The following SASH1 variants were observed in gnomAD, a reference collection of about 807,000 sequenced individuals.
The protein encoded by SASH1 is SAM and SH3 domain-containing protein 1.
A neutral mutation model predicts 125.2 loss-of-function variants in SASH1; 44 were observed. The observed-to-expected ratio is 0.35, with a 90% CI of 0.28 to 0.45. The LOEUF (loss-of-function observed/expected upper bound fraction) is 0.45. Ranked by LOEUF, SASH1 falls within the 20% of genes least tolerant of loss-of-function variation. The probability of loss-of-function intolerance (pLI) is 1.00; values close to 1 mark genes in which losing one functional copy is unlikely to be tolerated. For synonymous variants in SASH1, 639 were observed against 649.1 expected (o/e 0.98, Z 0.24); for missense variants, 1,426 against 1,614.5 (o/e 0.88, Z 2.00).
At chr6:148,212,093 G>A in the SASH1 span, among the ~76,000 whole-genome samples, 33 of 152,160 alleles carry the variant, frequency 2.2e-4, no homozygotes, top group South Asian at 1.0e-3. Context: ...ATAGCTCCCC[G>A]AGGGTACACT....
chr6:148,455,347 C>A (rs1777282650), intron 4 of SASH1, among the ~76,000 whole-genome samples: 2 of 152,296 alleles, frequency 1.3e-5, no homozygotes, highest in Middle Eastern at 3.4e-3. Flanking sequence ...GGCTTCTACT[C>A]TGCATCGTAA....
intron 2 of SASH1, among the ~76,000 whole-genome samples, chr6:148,405,442 C>T (rs1021847507): frequency 6.6e-6 from 1 of 152,138 alleles, no homozygotes; most frequent in Non-Finnish European, 1.5e-5. Flanking sequence ...GTTCCCACTG[C>T]ATTCTACTCC....
intron 4 of SASH1, among the ~76,000 whole-genome samples, chr6:148,443,485 A>G (rs1472369829): frequency 7.7e-6 from 1 of 129,458 alleles, no homozygotes; most frequent in Non-Finnish European, 1.6e-5. Context: ...ATATTTTTAT[A>G]TATATTTTAT....
chr6:148,228,180 T>C, the SASH1 span, among the ~76,000 whole-genome samples: 1 of 152,258 alleles, frequency 6.6e-6, no homozygotes, highest in Non-Finnish European at 1.5e-5. Context: ...AGCAGGGTTT[T>C]TGATATGGAC....
chr6:148,290,442 T>G (rs1040206183), intron 1 of SASH1, among the ~76,000 whole-genome samples: 2 of 151,280 alleles, frequency 1.3e-5, no homozygotes, highest in Admixed American at 1.3e-4. Flanking sequence ...CCGTCTCTAT[T>G]AAAAATACAA....
chr6:148,447,075 C>T (rs1776828947), intron 4 of SASH1, among the ~76,000 whole-genome samples: 1 of 152,330 alleles, frequency 6.6e-6, no homozygotes, highest in Non-Finnish European at 1.5e-5. Flanking sequence ...TAAGCTAGGT[C>T]CCAGTTATTT....
chr6:148,340,782 A>C (rs1352057688), upstream of SASH1, among the ~76,000 whole-genome samples: 1 of 152,156 alleles, frequency 6.6e-6, no homozygotes, highest in African/African-American at 2.4e-5. Context: ...CTACTTCAAC[A>C]CAATGCCTCA....
At chr6:148,300,794 A>T (rs7763618) in intron 1 of SASH1, among the ~76,000 whole-genome samples, 1 of 152,052 alleles carries the variant, frequency 6.6e-6, no homozygotes. Flanking sequence ...GAATTAAGAT[A>T]CTTTGTTCCT....
intron 1 of SASH1, among the ~76,000 whole-genome samples, chr6:148,277,102 C>T (rs1431485084): frequency 2.0e-5 from 3 of 152,100 alleles, no homozygotes; most frequent in Non-Finnish European, 2.9e-5. Flanking sequence ...CACGAATAGT[C>T]CCATAACTAG....
chr6:148,246,311 G>A, the SASH1 span, among the ~76,000 whole-genome samples: 2 of 152,174 alleles, frequency 1.3e-5, no homozygotes, highest in African/African-American at 4.8e-5. Flanking sequence ...TAAACAGAAT[G>A]TTTCCTTTAG....
At chr6:148,234,339 T>C in the SASH1 span, among the ~76,000 whole-genome samples, 19 of 151,958 alleles carry the variant, frequency 1.3e-4, no homozygotes, top group African/African-American at 4.1e-4. Flanking sequence ...TTTTTTTTTT[T>C]AGTTGATTCA....
At chr6:148,405,064 A>G (rs1372374056) in intron 2 of SASH1, among the ~76,000 whole-genome samples, 1 of 151,994 alleles carries the variant, frequency 6.6e-6, no homozygotes, top group Non-Finnish European at 1.5e-5. Flanking sequence ...GAAAGCTTGC[A>G]GAACTTACTG....
intron 4 of SASH1, among the ~76,000 whole-genome samples, chr6:148,460,354 C>T (rs754063889): frequency 6.6e-6 from 1 of 151,700 alleles, no homozygotes; most frequent in Non-Finnish European, 1.5e-5. Flanking sequence ...TTCTACAACT[C>T]ACAGTTGGAG....
intron 1 of SASH1, among the ~76,000 whole-genome samples, chr6:148,365,269 G>A (rs558073100): frequency 6.6e-6 from 1 of 152,048 alleles, no homozygotes; most frequent in Non-Finnish European, 1.5e-5. Context: ...TAAATCGTAT[G>A]GTCTGTTGAC....
the SASH1 span, among the ~76,000 whole-genome samples, chr6:148,234,090 T>C: frequency 6.6e-6 from 1 of 151,482 alleles, no homozygotes; most frequent in Admixed American, 6.6e-5. Flanking sequence ...CAGGCTGGAG[T>C]GCAGTGGTGC....
the SASH1 span, among the ~76,000 whole-genome samples, chr6:148,205,852 T>C: frequency 6.6e-6 from 1 of 152,208 alleles, no homozygotes; most frequent in Non-Finnish European, 1.5e-5. Context: ...CTGATTGTAC[T>C]GATGCCCTCC....
At chr6:148,289,802 C>T (rs140190036) in intron 1 of SASH1, among the ~76,000 whole-genome samples, 38 of 151,262 alleles carry the variant, frequency 2.5e-4, no homozygotes, top group East Asian at 2.1e-3. Context: ...GTTGTATAGC[C>T]ATTGTGAACA....
exon 1 of SASH1, chr6:148,272,308 CAG>C (rs1779080885): frequency 2.1e-6 from 1 of 469,460 alleles, no homozygotes; most frequent in Non-Finnish European, 4.4e-6. Flanking sequence ...CGATCTGAGT[CAG>C]AGAGGAAGTC....
At chr6:148,414,647 G>A (rs1363610794) in intron 2 of SASH1, among the ~76,000 whole-genome samples, 2 of 152,110 alleles carry the variant, frequency 1.3e-5, no homozygotes, top group African/African-American at 4.8e-5. Flanking sequence ...CTGCTCTTGT[G>A]GAGCTTACAT....
Sources: allele counts gnomAD v4.1 joint callset (sites outside exome capture counted in the v4.1 genomes callset), GRCh38; gene constraint gnomAD v4.1.1; transcripts MANE v1.5; gene names NCBI Gene and HGNC (gene_info 2026-07-23, HGNC 2026-07-21).